IQSEC1: variants seen among roughly 807,000 people sequenced by gnomAD.
IQSEC1 encodes IQ motif and SEC7 domain-containing protein 1.
In IQSEC1, 31 loss-of-function variants were observed where a neutral mutation model predicts 91.0. The ratio of observed to expected loss-of-function variants is 0.34; its 90% CI spans 0.26 to 0.46. The LOEUF (loss-of-function observed/expected upper bound fraction) is 0.46, where lower values mean the gene tolerates loss of function less well. Ranked by LOEUF, IQSEC1 falls within the 20% of genes least tolerant of loss-of-function variation. The pLI is 1.00. For synonymous variants in IQSEC1, 699 were observed against 662.6 expected (o/e 1.05, Z -0.84); for missense variants, 1,388 against 1,575.6 (o/e 0.88, Z 2.02).
Position 12,900,477 on chromosome 3 carries a change from TTATA to T in IQSEC1, c.*502_*505del, listed in dbSNP as rs1249627994. The T allele has an allele frequency of 2.3e-5, 16 of 690,202 alleles. No individual in the cohort carries two copies. Among genetic ancestry groups the T allele is most frequent in the African/African-American group, 3.9e-5 (2 of 51,074 alleles). The allele number at this position is 690,202 out of a possible 1,614,324, so 42.8% of individuals were successfully genotyped here. ...TATATATATATATATATTTATATAT[TTATA>T]TATTTATATAAAGTTTACTTACGTA... On this transcript the variant is annotated 3_prime_UTR_variant, in exon 14 of 14. Coordinates refer to ENST00000613206, the MANE Select transcript of IQSEC1 (RefSeq NM_001134382.3).
intron 2 of IQSEC1, among the ~76,000 whole-genome samples, chr3:13,081,448 T>A (rs1434466211): frequency 6.6e-6 from 1 of 151,936 alleles, no homozygotes; most frequent in East Asian, 1.9e-4. Context: ...TTTAAATCGT[T>A]TATAGAGATA....
intron 1 of IQSEC1, 118 bp from the exon 2 acceptor site, chr3:12,941,983 C>T: frequency 1.1e-6 from 1 of 936,136 alleles, no homozygotes. Context: ...GTTCTTCTCA[C>T]ACCCCATGGC....
intron 1 of IQSEC1, among the ~76,000 whole-genome samples, chr3:13,188,871 A>C (rs926434420): frequency 6.6e-6 from 1 of 152,188 alleles, no homozygotes; most frequent in African/African-American, 2.4e-5. Flanking sequence ...GTTGACCTGG[A>C]TTGTTTGTTT....
intron 2 of IQSEC1, among the ~76,000 whole-genome samples, chr3:13,140,221 G>T (rs549616239): frequency 3.3e-5 from 5 of 152,256 alleles, no homozygotes; most frequent in African/African-American, 1.2e-4. Flanking sequence ...CACACAGTGG[G>T]TTCAGATTCT....
Position 13,259,353 on chromosome 3 carries a change from C to T in IQSEC1, c.272+23358G>A, listed in dbSNP as rs114549448. On this transcript the variant is annotated intron_variant, in intron 1 of 15. Transcript: ENST00000648114. This position sits in a 1 kb window ranked among gnomAD's most constrained non-coding sequence, Gnocchi z 4.6. ...TAAGTGCAGAAACCAAGGCACAGCC[C>T]GAGGTCACCAAGCCTGTGAGCAGCG... is the stretch of plus-strand genomic sequence containing the variant. 1.7e-4 allele frequency among the ~76,000 whole-genome samples: 26 copies of T among 152,310 alleles called. No individual in the cohort carries two copies. The highest frequency in any genetic ancestry group is 3.8e-4 in the Non-Finnish European group (26 of 68,016).
rs983944420 is a variant in IQSEC1 at position 13,214,209 on chromosome 3, G to A, written c.273-50076C>T. Among the ~76,000 whole-genome samples the A allele has an allele frequency of 6.6e-6, 1 of 152,286 alleles. No individual in the cohort carries two copies. The highest frequency in any genetic ancestry group is 6.5e-5 in the Admixed American group (1 of 15,292). On this transcript the variant is annotated intron_variant, in intron 1 of 15. Transcript: ENST00000648114. This position sits in a 1 kb window ranked among gnomAD's most constrained non-coding sequence, Gnocchi z 4.5. Reference sequence around the variant, plus strand: ...GAACCCCTCTCTTACCCTTCTAGTCGCACTGCAGGGGCTTCTAAGCCTTTG... The same window carrying A: ...GAACCCCTCTCTTACCCTTCTAGTCACACTGCAGGGGCTTCTAAGCCTTTG...
chr3:13,038,260 GTGTATA>G (rs1353080337), intron 1 of IQSEC1, among the ~76,000 whole-genome samples: 53 of 62,370 alleles, frequency 8.5e-4, no homozygotes, highest in African/African-American at 2.8e-3. Flanking sequence ...GTGTGTGTGT[GTGTATA>G]TATATATATA....
At chr3:13,020,149 G>A (rs1317941400) in intron 1 of IQSEC1, among the ~76,000 whole-genome samples, 1 of 152,218 alleles carries the variant, frequency 6.6e-6, no homozygotes, top group Non-Finnish European at 1.5e-5. Context: ...TCCAGCTGTG[G>A]TCACAAGGAA....
intron 1 of IQSEC1, among the ~76,000 whole-genome samples, chr3:13,042,038 G>A (rs1704291863): frequency 6.6e-6 from 1 of 152,222 alleles, no homozygotes; most frequent in Non-Finnish European, 1.5e-5. Flanking sequence ...CACAGTGCCT[G>A]GCCACAGAGC....
intron 4 of IQSEC1, among the ~76,000 whole-genome samples, chr3:12,923,572 C>T (rs1001264545): frequency 3.3e-5 from 5 of 152,146 alleles, no homozygotes; most frequent in African/African-American, 1.2e-4. Context: ...ACATGAGTGC[C>T]GTGTATGTGA....
At chr3:13,087,618 A>G (rs1342198520) in intron 2 of IQSEC1, among the ~76,000 whole-genome samples, 1 of 152,200 alleles carries the variant, frequency 6.6e-6, no homozygotes, top group South Asian at 2.1e-4. Flanking sequence ...ATGCATTTGA[A>G]AGGGAGTTTT....
intron 1 of IQSEC1, among the ~76,000 whole-genome samples, chr3:12,991,755 G>A (rs1370230603): frequency 6.6e-6 from 1 of 152,222 alleles, no homozygotes; most frequent in Non-Finnish European, 1.5e-5. Flanking sequence ...CTGTGTGCAG[G>A]AAAGCTGAGG....
At chr3:12,988,421 A>G (rs935451708) in intron 1 of IQSEC1, among the ~76,000 whole-genome samples, 1 of 152,158 alleles carries the variant, frequency 6.6e-6, no homozygotes, top group African/African-American at 2.4e-5. Flanking sequence ...TCTCAAAAAA[A>G]TAAAAATAAA....
intron 1 of IQSEC1, among the ~76,000 whole-genome samples, chr3:12,981,726 G>A (rs959350360): frequency 2.0e-5 from 3 of 152,172 alleles, no homozygotes; most frequent in Non-Finnish European, 4.4e-5. Context: ...ACATGCTAAT[G>A]CCAGGCTGAC....
In IQSEC1 at chr3:13,276,080, C is replaced by CTTTTTTTTTTTTTT. The variant is rs796663192; in HGVS notation, c.272+6617_272+6630dup. Among the ~76,000 whole-genome samples, 23 of 79,548 alleles carry CTTTTTTTTTTTTTT rather than the reference C, an allele frequency of 2.9e-4. 3 individuals carry two copies. The highest frequency in any genetic ancestry group is 9.5e-4 in the African/African-American group (23 of 24,174). The allele number at this position is 79,548 out of a possible 152,430, so 52.2% of individuals were successfully genotyped here. On this transcript the variant is annotated intron_variant, in intron 1 of 15. Coordinates refer to the IQSEC1 transcript ENST00000648114. ...AGGGAAAACAATCCTCAAAAGCATTCTTTTTTTTTTTTTTTTTTTTTTTTT... is the reference window on the plus strand; with the variant it reads ...AGGGAAAACAATCCTCAAAAGCATTCTTTTTTTTTTTTTTTTTTTTTTTTTTTTTTTTTTTTTTT...
chr3:13,197,754 G>A (rs765681365), intron 1 of IQSEC1, among the ~76,000 whole-genome samples: 26 of 152,186 alleles, frequency 1.7e-4, no homozygotes, highest in Non-Finnish European at 2.8e-4. Context: ...AGTGTGCCCC[G>A]TTCACAGGTG....
chr3:13,069,595 G>A (rs1233640618), intron 1 of IQSEC1, among the ~76,000 whole-genome samples: 2 of 152,208 alleles, frequency 1.3e-5, no homozygotes, highest in Non-Finnish European at 2.9e-5. Flanking sequence ...GAGGGGTCGG[G>A]ACAGTTCCAG....
At chr3:12,980,304 G>GC (rs1354768072) in intron 1 of IQSEC1, among the ~76,000 whole-genome samples, 1 of 152,200 alleles carries the variant, frequency 6.6e-6, no homozygotes, top group Non-Finnish European at 1.5e-5. Flanking sequence ...AAGTCTAGGA[G>GC]CCCCTGAGCC....
In IQSEC1 at chr3:13,103,185, G is replaced by A. The variant is rs991897118; in HGVS notation, c.303-55663C>T. On this transcript the variant is annotated intron_variant, in intron 2 of 15. Coordinates refer to the IQSEC1 transcript ENST00000648114. The surrounding 1 kb of genome is among the most constrained non-coding windows in gnomAD (Gnocchi z 4.1). ...CCAGGCAGGTCAGTTCAGGGAAGGG[G>A]CCTGCATCGAACTCTCGCCACCTCC... 6.6e-6 allele frequency among the ~76,000 whole-genome samples: 1 copy of A among 152,090 alleles called. No homozygotes were observed. The highest frequency in any genetic ancestry group is 1.5e-5 in the Non-Finnish European group (1 of 68,012).
Sources: allele counts gnomAD v4.1 joint callset (sites outside exome capture counted in the v4.1 genomes callset), GRCh38; gene constraint gnomAD v4.1.1; non-coding constraint Gnocchi (gnomAD v3.1); transcripts MANE v1.5; gene names NCBI Gene and HGNC (gene_info 2026-07-23, HGNC 2026-07-21).